KMT2C: variants seen among roughly 807,000 people sequenced by gnomAD.
KMT2C encodes lysine methyltransferase 2C, also known as histone-lysine N-methyltransferase 2C.
In KMT2C, 88 loss-of-function variants were observed where a neutral mutation model predicts 507.9. That is an observed-to-expected ratio of 0.17 (90% confidence interval 0.15 to 0.21). The LOEUF is 0.21. Among genes scored for constraint, KMT2C ranks in the 10% least tolerant of loss-of-function variants. The pLI, the probability that KMT2C is intolerant of heterozygous loss-of-function variation, is 1.00. For synonymous variants in KMT2C, 2,049 were observed against 2,080.8 expected, an observed-to-expected ratio of 0.98 and a Z score of 0.42; for missense variants, 4,954 against 5,957.8, an observed-to-expected ratio of 0.83 and a Z score of 5.55.
chr7:152,367,114 A>G, intron 1 of KMT2C: 1 of 918,446 alleles, frequency 1.1e-6, no homozygotes. Flanking sequence ...ACAGGAAGAG[A>G]AGAGTGTGGT....
intron 1 of KMT2C, among the ~76,000 whole-genome samples, chr7:152,371,856 C>A (rs1452284096): frequency 6.6e-6 from 1 of 151,652 alleles, no homozygotes; most frequent in African/African-American, 2.4e-5. Context: ...TCAGGTGATC[C>A]ACCTGCCTTG....
chr7:152,388,210 CATCT>C (rs1430325220), intron 1 of KMT2C, among the ~76,000 whole-genome samples: 2 of 152,360 alleles, frequency 1.3e-5, no homozygotes, highest in East Asian at 3.9e-4. Flanking sequence ...TACATTTATA[CATCT>C]ATTTACAAGT....
At chr7:152,255,389 C>G (rs1000174997) in intron 9 of KMT2C, among the ~76,000 whole-genome samples, 8 of 151,748 alleles carry the variant, frequency 5.3e-5, no homozygotes, top group Non-Finnish European at 1.0e-4. Context: ...TTGTCTCAAA[C>G]TCCTGAGCTC....
intron 51 of KMT2C, among the ~76,000 whole-genome samples, chr7:152,149,912 T>C (rs911778708): frequency 1.3e-5 from 2 of 151,850 alleles, no homozygotes; most frequent in African/African-American, 2.4e-5. Flanking sequence ...ACTTAAACTA[T>C]CTGGTGAAAA....
rs767450056 is a variant in KMT2C, at chr7:152,177,434, ATCAGACGTTGTT to A, written c.8007_8018del (p.Glu2669_Ser2672del). The A allele has an allele frequency of 6.2e-7, 1 of 1,614,166 alleles. No homozygotes were observed. The stretch of plus-strand genomic sequence containing the variant: ...AAGGCTGGGTGGTTATCTGTAAATT[ATCAGACGTTGTT>A]TCAGACGGTACAGATGTTGACAAAG... On this transcript the variant is annotated inframe_deletion, in exon 38 of 59. Coordinates refer to ENST00000262189, the MANE Select transcript of KMT2C (RefSeq NM_170606.3).
intron 6 of KMT2C, among the ~76,000 whole-genome samples, chr7:152,286,701 A>C (rs1826414268): frequency 2.0e-5 from 3 of 152,224 alleles, no homozygotes; most frequent in Non-Finnish European, 4.4e-5. Context: ...AAACAAAAGA[A>C]GACAACAAAA....
At chr7:152,163,906 G>C (rs2092589732) in intron 42 of KMT2C, 80 bp from the exon 43 acceptor site, 3 of 1,394,876 alleles carry the variant, frequency 2.2e-6, no homozygotes, top group Non-Finnish European at 3.0e-6. Flanking sequence ...GACTGTGGTT[G>C]AGGTTACACA....
chr7:152,327,234 C>T (rs2096837421), intron 3 of KMT2C, among the ~76,000 whole-genome samples: 1 of 152,168 alleles, frequency 6.6e-6, no homozygotes, highest in Admixed American at 6.5e-5. Context: ...CACTGATAGG[C>T]CATGATTATT....
At chr7:152,422,389 A>C (rs1030127420) in intron 1 of KMT2C, among the ~76,000 whole-genome samples, 3 of 151,866 alleles carry the variant, frequency 2.0e-5, no homozygotes, top group Non-Finnish European at 2.9e-5. Context: ...CAGGAGGCGG[A>C]GGTTGCAGTG....
chr7:152,286,630 CT>C (rs1381363540), intron 6 of KMT2C, among the ~76,000 whole-genome samples: 1 of 150,478 alleles, frequency 6.6e-6, no homozygotes, highest in Non-Finnish European at 1.5e-5. Flanking sequence ...AGAAAATGTA[CT>C]TTTCCCTGTT....
chr7:152,184,239 CTA>C (rs151119215), intron 34 of KMT2C, among the ~76,000 whole-genome samples: 3,753 of 150,344 alleles, frequency 0.025, 70 homozygotes, highest in Non-Finnish European at 0.04. Flanking sequence ...ATTAACACAT[CTA>C]TATATATATA....
At chr7:152,423,709 CG>C (rs1197096918) in intron 1 of KMT2C, among the ~76,000 whole-genome samples, 2 of 152,128 alleles carry the variant, frequency 1.3e-5, no homozygotes, top group Non-Finnish European at 2.9e-5. Context: ...ATTATTATTA[CG>C]GGGTTTTCAA....
intron 2 of KMT2C, among the ~76,000 whole-genome samples, chr7:152,355,050 T>A (rs1274159645): frequency 6.6e-6 from 1 of 152,162 alleles, no homozygotes; most frequent in Admixed American, 6.5e-5. Context: ...TCTGGAATAA[T>A]AGCAGTGGAG....
intron 2 of KMT2C, among the ~76,000 whole-genome samples, chr7:152,348,502 G>C (rs138482445): frequency 1.1e-4 from 16 of 150,392 alleles, no homozygotes; most frequent in African/African-American, 3.4e-4. Flanking sequence ...AGGAGGCTGA[G>C]GTAAGAGAAT....
intron 6 of KMT2C, among the ~76,000 whole-genome samples, chr7:152,300,396 A>G (rs1196595554): frequency 3.3e-5 from 5 of 152,194 alleles, no homozygotes; most frequent in African/African-American, 1.2e-4. Flanking sequence ...GAGTCTGGAA[A>G]TTTCACACAT....
At chr7:152,320,382 G>A (rs1197499585) in intron 3 of KMT2C, among the ~76,000 whole-genome samples, 1 of 152,134 alleles carries the variant, frequency 6.6e-6, no homozygotes, top group Non-Finnish European at 1.5e-5. Context: ...CCGAGTAGCT[G>A]GGACTACAGG....
chr7:152,282,040 C>G (rs1588878976), intron 6 of KMT2C, among the ~76,000 whole-genome samples: 1 of 152,094 alleles, frequency 6.6e-6, no homozygotes, highest in East Asian at 1.9e-4. Context: ...GCATGTAATC[C>G]CAGCACTTTG....
intron 2 of KMT2C, among the ~76,000 whole-genome samples, chr7:152,347,048 CG>C (rs1383824560): frequency 6.6e-6 from 1 of 152,112 alleles, no homozygotes; most frequent in African/African-American, 2.4e-5. Flanking sequence ...CGCTTGAACC[CG>C]GAAGGCAGAG....
intron 1 of KMT2C, among the ~76,000 whole-genome samples, chr7:152,370,831 A>G (rs551126844): frequency 2.2e-4 from 34 of 152,354 alleles, no homozygotes; most frequent in Middle Eastern, 3.4e-3. Context: ...GAACATAGCC[A>G]TGTATATTTG....
Sources: allele counts gnomAD v4.1 joint callset (sites outside exome capture counted in the v4.1 genomes callset), GRCh38; gene constraint gnomAD v4.1.1; transcripts MANE v1.5; gene names NCBI Gene and HGNC (gene_info 2026-07-23, HGNC 2026-07-21).